Variants in FRMD4A observed in about 807,000 individuals in gnomAD.
The protein encoded by FRMD4A is FERM domain-containing protein 4A.
In FRMD4A, 29 loss-of-function variants were observed where a neutral mutation model predicts 129.1. The ratio of observed to expected loss-of-function variants is 0.22; its 90% confidence interval spans 0.17 to 0.31. FRMD4A has a LOEUF of 0.31. Among genes scored for constraint, FRMD4A ranks in the 10% least tolerant of loss-of-function variants. The probability of loss-of-function intolerance (pLI) is 1.00; values close to 1 mark genes in which losing one functional copy is unlikely to be tolerated. For synonymous variants in FRMD4A, 634 were observed against 571.6 expected (o/e 1.11, Z -1.56); for missense variants, 1,272 against 1,375.8 (o/e 0.92, Z 1.19).
intron 2 of FRMD4A, among the ~76,000 whole-genome samples, chr10:14,019,919 G>A (rs999855): frequency 0.38 from 57,555 of 152,068 alleles, 13,239 homozygotes; most frequent in Non-Finnish European, 0.53. Context: ...TTTGGGGTGC[G>A]TTGTGGGGCT....
At chr10:14,006,069 C>G (rs1037770819) in intron 2 of FRMD4A, among the ~76,000 whole-genome samples, 2 of 152,204 alleles carry the variant, frequency 1.3e-5, no homozygotes, top group Admixed American at 6.5e-5. Context: ...ACCTCTCCTC[C>G]TCTTCTATAA....
chr10:14,317,985 G>A (rs1846810459), intron 2 of FRMD4A, among the ~76,000 whole-genome samples: 1 of 152,118 alleles, frequency 6.6e-6, no homozygotes, highest in Admixed American at 6.6e-5. Flanking sequence ...TGCCGTTGGT[G>A]CTTCATGCCC....
chr10:14,303,877 C>A (rs763945292), intron 2 of FRMD4A, among the ~76,000 whole-genome samples: 3 of 152,098 alleles, frequency 2.0e-5, no homozygotes, highest in Non-Finnish European at 4.4e-5. Flanking sequence ...ATAAGTAGAA[C>A]CATATGCTAT....
intron 12 of FRMD4A, among the ~76,000 whole-genome samples, chr10:13,714,008 TATACATATATAAA>T (rs2088415421): frequency 1.1e-3 from 1 of 920 alleles, no homozygotes; most frequent in Non-Finnish European, 3.2e-3. Flanking sequence ...ACATATATAA[TATACATATATAAA>T]ATATACATAT....
rs986352343 is a variant in FRMD4A, at chr10:14,219,990, A to G, written c.45+110068T>C. On this transcript the variant is annotated intron_variant, in intron 2 of 24. Coordinates refer to ENST00000357447, the MANE Select transcript of FRMD4A (RefSeq NM_018027.5). ...ATGTATGTTTCCCTATCTATTGCGA[A>G]TGGTGTCTAGAGCCTATCTGTGAAG... is the stretch of plus-strand genomic sequence containing the variant. Among the ~76,000 whole-genome samples, 4 of 152,250 alleles carry G rather than the reference A, an allele frequency of 2.6e-5. No individual in the cohort carries two copies. The South Asian group carries it at 8.3e-4, about 32-fold the overall frequency.
chr10:13,969,140 C>T (rs1326452683), intron 2 of FRMD4A, among the ~76,000 whole-genome samples: 1 of 152,242 alleles, frequency 6.6e-6, no homozygotes, highest in East Asian at 1.9e-4. Flanking sequence ...TCCCAGGCCC[C>T]TCGGCCTGGC....
chr10:14,248,334 C>T (rs574441946), intron 2 of FRMD4A, among the ~76,000 whole-genome samples: 78 of 152,240 alleles, frequency 5.1e-4, no homozygotes, highest in Middle Eastern at 6.8e-3. Flanking sequence ...AATTTAATTC[C>T]GTTGCACATG....
intron 2 of FRMD4A, among the ~76,000 whole-genome samples, chr10:14,185,808 TAGGGTAGAC>T (rs1842120901): frequency 6.6e-6 from 1 of 152,086 alleles, no homozygotes; most frequent in Admixed American, 6.5e-5. Context: ...CTGGGCGGAA[TAGGGTAGAC>T]AGGGCAGGGC....
chr10:14,113,388 A>G (rs973531679), intron 2 of FRMD4A, among the ~76,000 whole-genome samples: 1 of 152,046 alleles, frequency 6.6e-6, no homozygotes, highest in Non-Finnish European at 1.5e-5. Flanking sequence ...TAGAAAATAT[A>G]TTTTCTTCCT....
At chr10:14,232,150 C>T (rs2131989340) in intron 2 of FRMD4A, among the ~76,000 whole-genome samples, 1 of 152,304 alleles carries the variant, frequency 6.6e-6, no homozygotes, top group East Asian at 1.9e-4. Context: ...CTGCATATGG[C>T]TAGCCAGTTA....
At position 13,905,846 on chromosome 10, in the gene FRMD4A, T is replaced by C. The variant is rs530868853; in HGVS notation, c.46-46934A>G. 9.8e-5 allele frequency among the ~76,000 whole-genome samples: 15 copies of C among 152,306 alleles called. No homozygotes were observed. The South Asian group carries it at 3.1e-3, about 32-fold the overall frequency. ...AATTTTGAGCAAAAGGAGGCATGGG[T>C]TGATAAAGGGCTTGCAGTGCGAAGT... On this transcript the variant is annotated intron_variant, in intron 2 of 24. Coordinates refer to ENST00000357447, the MANE Select transcript of FRMD4A (RefSeq NM_018027.5).
rs756942371 is a variant in FRMD4A at position 13,747,756 on chromosome 10, C to T, written c.528G>A (p.Glu176=). Residue 176 remains glutamate, a synonymous_variant, in exon 9 of 25, where the codon GAG becomes GAA. Transcript: ENST00000357447. Reference sequence around the variant, plus strand: ...CTTACCAGTAGGCCAGGGAAGGGTGCTCCTTCAGGGCTTGGGTGGGAAGGG... The same window carrying T: ...CTTACCAGTAGGCCAGGGAAGGGTGTTCCTTCAGGGCTTGGGTGGGAAGGG... ...LPALPTQALK[E]HPSLAYCEDR... The T allele has an allele frequency of 1.3e-6, 2 of 1,593,166 alleles. No homozygotes were observed. The highest frequency in any genetic ancestry group is 1.7e-6 in the Non-Finnish European group (2 of 1,161,186).
intron 15 of FRMD4A, among the ~76,000 whole-genome samples, chr10:13,683,661 C>T (rs2084820989): frequency 6.6e-6 from 1 of 151,232 alleles, no homozygotes; most frequent in African/African-American, 2.4e-5. Context: ...GTGGAACCCA[C>T]AGCCGGGAGC....
At chr10:13,957,563 C>T (rs2095417332) in intron 2 of FRMD4A, among the ~76,000 whole-genome samples, 1 of 152,092 alleles carries the variant, frequency 6.6e-6, no homozygotes, top group Admixed American at 6.5e-5. Flanking sequence ...CCATACCCCT[C>T]CTTTTTGATT....
chr10:13,825,881 A>AT (rs1196668761), intron 3 of FRMD4A, among the ~76,000 whole-genome samples: 1 of 152,250 alleles, frequency 6.6e-6, no homozygotes, highest in Non-Finnish European at 1.5e-5. Flanking sequence ...GCATCTGATG[A>AT]TTTTGGTATC....
chr10:13,900,289 T>G (rs533300472), intron 2 of FRMD4A, among the ~76,000 whole-genome samples: 1 of 152,332 alleles, frequency 6.6e-6, no homozygotes, highest in South Asian at 2.1e-4. Flanking sequence ...AGCTCTGTCA[T>G]TTGAAATAAC....
intron 6 of FRMD4A, among the ~76,000 whole-genome samples, chr10:13,780,818 T>C (rs1363515282): frequency 6.6e-6 from 1 of 152,182 alleles, no homozygotes; most frequent in Non-Finnish European, 1.5e-5. Context: ...CCCTATGATC[T>C]GGCAATACCA....
chr10:14,163,750 C>G (rs1248062569), intron 2 of FRMD4A, among the ~76,000 whole-genome samples: 1 of 152,180 alleles, frequency 6.6e-6, no homozygotes, highest in Non-Finnish European at 1.5e-5. Flanking sequence ...CGAAAAGGAA[C>G]AGAATTACTG....
At chr10:14,103,038 A>T (rs1255324745) in intron 2 of FRMD4A, among the ~76,000 whole-genome samples, 1 of 152,164 alleles carries the variant, frequency 6.6e-6, no homozygotes, top group Non-Finnish European at 1.5e-5. Context: ...CTTAGGAGAA[A>T]GTTGGAGGGA....
Sources: allele counts gnomAD v4.1 joint callset (sites outside exome capture counted in the v4.1 genomes callset), GRCh38; gene constraint gnomAD v4.1.1; transcripts MANE v1.5; gene names NCBI Gene and HGNC (gene_info 2026-07-23, HGNC 2026-07-21).